Variants in OXR1 observed in about 807,000 individuals in gnomAD.
OXR1 encodes the protein oxidation resistance protein 1.
In OXR1, 41 loss-of-function variants were observed where a neutral mutation model predicts 104.6. That is an observed-to-expected ratio of 0.39 (90% confidence interval 0.31 to 0.51). The LOEUF (loss-of-function observed/expected upper bound fraction) is 0.51. Among genes scored for constraint, OXR1 ranks in the 20% least tolerant of loss-of-function variants. OXR1 has a pLI of 0.77. For missense variants in OXR1, 955 were observed against 1,031.9 expected (o/e 0.93, Z 1.02); for synonymous variants, 348 against 348.4 (o/e 1.00, Z 0.01).
rs1192760641 is a variant in OXR1, at chr8:106,302,138, C to T, written c.-139+31771C>T. Among the ~76,000 whole-genome samples, 4 of 152,282 alleles carry T rather than the reference C, an allele frequency of 2.6e-5. No individual in the cohort carries two copies. In the East Asian group the frequency reaches 7.7e-4, roughly 29 times the overall value. ...GTTCATGGCCATCTGCTGCTATTTT[C>T]TAGTCTATTGTCAGTTTTCTTTGTC... On this transcript the variant is annotated intron_variant, in intron 1 of 16. Transcript: ENST00000517566.
intron 2 of OXR1, among the ~76,000 whole-genome samples, chr8:106,482,289 A>T (rs887283753): frequency 2.0e-5 from 3 of 152,006 alleles, no homozygotes; most frequent in African/African-American, 7.2e-5. Context: ...TATCTGGCAG[A>T]AAAGAACGAA....
intron 6 of OXR1, among the ~76,000 whole-genome samples, chr8:106,687,187 A>G (rs1182252070): frequency 6.6e-6 from 1 of 152,100 alleles, no homozygotes; most frequent in Non-Finnish European, 1.5e-5. Context: ...AGAGAATAAG[A>G]TGGGGACATA....
intron 1 of OXR1, among the ~76,000 whole-genome samples, chr8:106,274,975 G>C (rs886400276): frequency 3.9e-5 from 6 of 152,214 alleles, no homozygotes; most frequent in African/African-American, 1.4e-4. Context: ...TGTAAACTCA[G>C]CAGTAGCAGG....
chr8:106,748,072 CT>C (rs1004866212), intron 16 of OXR1, among the ~76,000 whole-genome samples: 1 of 152,200 alleles, frequency 6.6e-6, no homozygotes, highest in Non-Finnish European at 1.5e-5. Context: ...TCAGATATCT[CT>C]TTAAAGGCAT....
At chr8:106,652,134 G>C (rs1311732788) in intron 3 of OXR1, among the ~76,000 whole-genome samples, 4 of 152,064 alleles carry the variant, frequency 2.6e-5, no homozygotes, top group Admixed American at 2.6e-4. Context: ...TGCTGGCACT[G>C]GTGATCTTTG....
rs557406393 is a variant in OXR1 at position 106,354,883 on chromosome 8, A to AT, written c.-138-4585dup. 1.9e-4 allele frequency among the ~76,000 whole-genome samples: 29 copies of AT among 152,028 alleles called. No homozygotes were observed. The South Asian group carries it at 5.8e-3, about 31-fold the overall frequency. On this transcript the variant is annotated intron_variant, in intron 1 of 16. Transcript: ENST00000517566. ...CTAAACGAATTTATTAGAATATAGT[A>AT]TTTTTTTTCAGATGGATTTGAAGCC...
chr8:106,350,958 A>G (rs1190509687), intron 1 of OXR1, among the ~76,000 whole-genome samples: 1 of 152,156 alleles, frequency 6.6e-6, no homozygotes, highest in Non-Finnish European at 1.5e-5. Flanking sequence ...AAATTGGATG[A>G]CTTCTACTCT....
At chr8:106,283,771 T>C (rs1812382440) in intron 1 of OXR1, among the ~76,000 whole-genome samples, 1 of 152,166 alleles carries the variant, frequency 6.6e-6, no homozygotes, top group Non-Finnish European at 1.5e-5. Flanking sequence ...TTTGGCTCTT[T>C]TAGGGTAAAA....
chr8:106,487,544 G>A (rs2129814124), intron 2 of OXR1, among the ~76,000 whole-genome samples: 1 of 151,718 alleles, frequency 6.6e-6, no homozygotes, highest in South Asian at 2.1e-4. Flanking sequence ...TCTAGCATTA[G>A]GTATATCTCC....
chr8:106,455,219 AAGTTT>A (rs2130629459), intron 2 of OXR1, among the ~76,000 whole-genome samples: 1 of 152,288 alleles, frequency 6.6e-6, no homozygotes. Flanking sequence ...CAGAATATTT[AAGTTT>A]TGTGTTGGCC....
At chr8:106,616,218 ATTT>A (rs372788802) in intron 3 of OXR1, among the ~76,000 whole-genome samples, 2 of 96,032 alleles carry the variant, frequency 2.1e-5, no homozygotes, top group Non-Finnish European at 4.0e-5. Flanking sequence ...ATTTTTTGGA[ATTT>A]TTTTTTTTTT....
chr8:106,699,019 A>G (rs924680371), intron 7 of OXR1, among the ~76,000 whole-genome samples: 7 of 152,084 alleles, frequency 4.6e-5, no homozygotes, highest in African/African-American at 1.4e-4. Context: ...TCTTGATCCT[A>G]TTGTGGCTTT....
chr8:106,641,152 G>GA (rs1823593399), intron 3 of OXR1, among the ~76,000 whole-genome samples: 1 of 152,170 alleles, frequency 6.6e-6, no homozygotes, highest in African/African-American at 2.4e-5. Flanking sequence ...GCACACAGCT[G>GA]TCTTCTTCTT....
chr8:106,521,717 T>C (rs1472798636), intron 3 of OXR1, among the ~76,000 whole-genome samples: 4 of 152,192 alleles, frequency 2.6e-5, no homozygotes, highest in Non-Finnish European at 5.9e-5. Flanking sequence ...TTTCACTGCG[T>C]TAGCCAGGAT....
chr8:106,347,665 A>T (rs1337792785), intron 1 of OXR1, among the ~76,000 whole-genome samples: 1 of 152,186 alleles, frequency 6.6e-6, no homozygotes, highest in Non-Finnish European at 1.5e-5. Context: ...GTAAATAAGT[A>T]GTTATTGGGT....
chr8:106,462,342 T>C (rs1404607449), intron 2 of OXR1, among the ~76,000 whole-genome samples: 1 of 152,208 alleles, frequency 6.6e-6, no homozygotes, highest in Non-Finnish European at 1.5e-5. Flanking sequence ...ACATGAGATA[T>C]TATGTTGTTC....
chr8:106,723,497 C>CAA (rs550424646), intron 11 of OXR1, among the ~76,000 whole-genome samples: 2,235 of 95,562 alleles, frequency 0.023, 22 homozygotes, highest in East Asian at 0.045. Flanking sequence ...GCCTCTGTCT[C>CAA]AAAAAAAAAA....
chr8:106,521,472 T>G (rs183554936), intron 3 of OXR1, among the ~76,000 whole-genome samples: 156 of 152,204 alleles, frequency 1.0e-3, no homozygotes, highest in African/African-American at 3.1e-3. Flanking sequence ...TCAGGCTTTC[T>G]CTGACTCTCA....
At chr8:106,551,825 C>CATATATATGTGT (rs750656492) in intron 3 of OXR1, among the ~76,000 whole-genome samples, 3 of 138,958 alleles carry the variant, frequency 2.2e-5, no homozygotes, top group East Asian at 2.1e-4. Flanking sequence ...CACACACACA[C>CATATATATGTGT]ACATATATAT....
Sources: allele counts gnomAD v4.1 joint callset (sites outside exome capture counted in the v4.1 genomes callset), GRCh38; gene constraint gnomAD v4.1.1; transcripts MANE v1.5; gene names NCBI Gene and HGNC (gene_info 2026-07-23, HGNC 2026-07-21).